RBM19: variants seen among roughly 807,000 people sequenced by gnomAD.
RBM19 encodes the protein probable RNA-binding protein 19.
In RBM19, 94 loss-of-function variants were observed where a neutral mutation model predicts 116.8. The observed-to-expected ratio is 0.80, with a 90% CI of 0.68 to 0.95. RBM19 has a LOEUF of 0.95. Ranked by LOEUF, RBM19 falls within the 40% of genes least tolerant of loss-of-function variation. The probability of loss-of-function intolerance (pLI) is 0.00; values close to 1 mark genes in which losing one functional copy is unlikely to be tolerated. For synonymous variants in RBM19, 475 were observed against 494.1 expected (o/e 0.96, Z 0.51); for missense variants, 1,161 against 1,220.7 (o/e 0.95, Z 0.73).
At position 113,955,223 on chromosome 12, in the gene RBM19, C is replaced by G. The variant is rs1037747; in HGVS notation, c.841-12G>C. 1,013,409 of 1,612,460 alleles carry G rather than the reference C, an allele frequency of 0.63. 325,925 individuals carry two copies. The highest frequency in any genetic ancestry group is 0.98 in the East Asian group (44,147 of 44,868). ...GCTGGTTTCTCTGTCTGAGTGATCA[C>G]AAAAACAAACAGAAGTGGCCACACT... On this transcript the variant is annotated splice_polypyrimidine_tract_variant and intron_variant, in intron 6 of 23. Coordinates refer to ENST00000261741, the MANE Select transcript of RBM19 (RefSeq NM_016196.4).
In RBM19 at chr12:113,910,754, C is replaced by T. The variant is rs556308799; in HGVS notation, c.2558+4215G>A. ...TGGTTCACCCCATGTCCCATGCCTCCCCGATGCCTGTATTAGCCAGCTCTG... is the reference window on the plus strand; with the variant it reads ...TGGTTCACCCCATGTCCCATGCCTCTCCGATGCCTGTATTAGCCAGCTCTG... On this transcript the variant is annotated intron_variant, in intron 21 of 23. Transcript: ENST00000261741. 2.0e-5 allele frequency among the ~76,000 whole-genome samples: 3 copies of T among 152,324 alleles called. No homozygotes were observed. In the South Asian group the frequency reaches 6.2e-4, roughly 32 times the overall value.
At chr12:113,955,446 T>TA (rs1387834401) in intron 6 of RBM19, among the ~76,000 whole-genome samples, 3 of 152,034 alleles carry the variant, frequency 2.0e-5, no homozygotes, top group African/African-American at 7.2e-5. Context: ...CCTGGCAAGC[T>TA]ATGGGCACCT....
intron 21 of RBM19, among the ~76,000 whole-genome samples, chr12:113,871,543 A>C (rs1325012286): frequency 6.6e-6 from 1 of 152,198 alleles, no homozygotes; most frequent in Non-Finnish European, 1.5e-5. Flanking sequence ...ATGATATGTA[A>C]ATGAGTGGGT....
chr12:113,937,235 G>T, intron 15 of RBM19, 99 bp from the exon 16 acceptor site: 1 of 1,426,526 alleles, frequency 7.0e-7, no homozygotes, highest in Non-Finnish European at 9.5e-7. Flanking sequence ...GGTCACAGAG[G>T]ATGGGCAACT....
In RBM19 at chr12:113,885,751, G is replaced by C. The variant is rs145535372; in HGVS notation, c.2559-26855C>G. 3.9e-3 allele frequency among the ~76,000 whole-genome samples: 598 copies of C among 152,122 alleles called. 3 individuals carry two copies. Among genetic ancestry groups the C allele is most frequent in the African/African-American group, 0.014 (571 of 41,494 alleles). On this transcript the variant is annotated intron_variant, in intron 21 of 23. Coordinates refer to ENST00000261741, the MANE Select transcript of RBM19 (RefSeq NM_016196.4). ...AACATTAACTTTGGGGAATATGAGTGAAGGGTATCTGGAACTCTTTATAAT... is the reference window on the plus strand; with the variant it reads ...AACATTAACTTTGGGGAATATGAGTCAAGGGTATCTGGAACTCTTTATAAT...
intron 21 of RBM19, among the ~76,000 whole-genome samples, chr12:113,897,548 G>A (rs983035969): frequency 1.3e-5 from 2 of 152,198 alleles, no homozygotes; most frequent in Admixed American, 6.5e-5. Flanking sequence ...GTGGTGGCTC[G>A]CACCTACAAT....
intron 21 of RBM19, among the ~76,000 whole-genome samples, chr12:113,892,711 T>G (rs1881043586): frequency 6.6e-6 from 1 of 152,172 alleles, no homozygotes; most frequent in African/African-American, 2.4e-5. Context: ...TCAAAAGGTT[T>G]ATTAAAAGTG....
At chr12:113,911,138 G>A (rs1882401165) in intron 21 of RBM19, among the ~76,000 whole-genome samples, 1 of 152,192 alleles carries the variant, frequency 6.6e-6, no homozygotes, top group South Asian at 2.1e-4. Flanking sequence ...CACCTGCCGG[G>A]TGAGCTGACC....
At chr12:113,943,883 AT>A (rs1291540394) in intron 13 of RBM19, among the ~76,000 whole-genome samples, 1 of 152,022 alleles carries the variant, frequency 6.6e-6, no homozygotes, top group African/African-American at 2.4e-5. Flanking sequence ...ATTAATATTA[AT>A]TTTGTCTGTT....
At chr12:113,839,337 G>A (rs546518578) in intron 23 of RBM19, among the ~76,000 whole-genome samples, 11 of 152,366 alleles carry the variant, frequency 7.2e-5, no homozygotes, top group Non-Finnish European at 1.3e-4. Context: ...GGCACCTCCT[G>A]TGTCCCAGAG....
chr12:113,889,162 A>T (rs905132172), intron 21 of RBM19, among the ~76,000 whole-genome samples: 1 of 152,088 alleles, frequency 6.6e-6, no homozygotes, highest in Admixed American at 6.5e-5. Flanking sequence ...TGTCCTGTGC[A>T]CTGTAGGGTG....
chr12:113,879,433 A>T (rs1020367417), intron 21 of RBM19, among the ~76,000 whole-genome samples: 37 of 146,196 alleles, frequency 2.5e-4, no homozygotes, highest in African/African-American at 9.1e-4. Flanking sequence ...CATACATTTT[A>T]TATATATATA....
chr12:113,959,871 C>A lies in RBM19; in HGVS notation c.372G>T (p.Leu124=), dbSNP rs1872331999. The A allele has an allele frequency of 6.2e-7, 1 of 1,614,184 alleles. No individual in the cohort carries two copies. Residue 124 remains leucine, a synonymous_variant, in exon 4 of 24, where the codon CTG becomes CTT. Transcript: ENST00000261741. ...GGCAACAGGACAGACTCACCTTCTC[C>A]AGTTGACCTGCCACCTTTTTCTTCT... The part of the protein sequence containing the change: ...DEKKKKVAGQ[L]EKLKEDTEFQ...
At chr12:113,910,719 G>A (rs1362798418) in intron 21 of RBM19, among the ~76,000 whole-genome samples, 3 of 152,222 alleles carry the variant, frequency 2.0e-5, no homozygotes, top group Non-Finnish European at 4.4e-5. Context: ...TACAAAGACT[G>A]CGTGGCACGT....
intron 22 of RBM19, among the ~76,000 whole-genome samples, chr12:113,850,670 C>T (rs1367427375): frequency 6.6e-6 from 1 of 152,252 alleles, no homozygotes; most frequent in Non-Finnish European, 1.5e-5. Flanking sequence ...GGACTTCCAT[C>T]CCAAGGGGCT....
At chr12:113,849,247 G>A (rs1010196224) in intron 22 of RBM19, among the ~76,000 whole-genome samples, 3 of 152,226 alleles carry the variant, frequency 2.0e-5, no homozygotes, top group African/African-American at 7.2e-5. Context: ...TTGAACCCTG[G>A]AGGGAAGGCG....
chr12:113,838,140 C>A (rs972118465), intron 23 of RBM19, among the ~76,000 whole-genome samples: 1 of 152,344 alleles, frequency 6.6e-6, no homozygotes, highest in African/African-American at 2.4e-5. Flanking sequence ...GCTCAGGACA[C>A]TGGGAGGGAA....
At chr12:113,901,910 C>A (rs921430372) in intron 21 of RBM19, among the ~76,000 whole-genome samples, 2 of 136,376 alleles carry the variant, frequency 1.5e-5, no homozygotes, top group Non-Finnish European at 2.9e-5. Context: ...CAGGAAATGG[C>A]CTTTTTCTAA....
chr12:113,955,452 C>G (rs962112612), intron 6 of RBM19, among the ~76,000 whole-genome samples: 2 of 152,118 alleles, frequency 1.3e-5, no homozygotes, highest in Non-Finnish European at 2.9e-5. Context: ...AAGCTATGGG[C>G]ACCTGGACAG....
Sources: allele counts gnomAD v4.1 joint callset (sites outside exome capture counted in the v4.1 genomes callset), GRCh38; gene constraint gnomAD v4.1.1; transcripts MANE v1.5; gene names NCBI Gene and HGNC (gene_info 2026-07-23, HGNC 2026-07-21).